The following CRPPA variants were observed in gnomAD, a reference collection of about 807,000 sequenced individuals.
The protein encoded by CRPPA is CDP-L-ribitol pyrophosphorylase A, also known as D-ribitol-5-phosphate cytidylyltransferase.
A neutral mutation model predicts 52.0 loss-of-function variants in CRPPA; 43 were observed. That is an observed-to-expected ratio of 0.83 (90% confidence interval 0.65 to 1.07). The LOEUF is 1.07. Among genes scored for constraint, CRPPA ranks in the 50% least tolerant of loss-of-function variants. The pLI, the probability that CRPPA is intolerant of heterozygous loss-of-function variation, is 0.00. For missense variants in CRPPA, 629 were observed against 551.7 expected (o/e 1.14, Z -1.40); for synonymous variants, 250 against 203.5 (o/e 1.23, Z -1.94).
chr7:16,409,251 TC>T (rs1404707118), intron 1 of CRPPA, among the ~76,000 whole-genome samples: 1 of 152,074 alleles, frequency 6.6e-6, no homozygotes, highest in East Asian at 1.9e-4. Context: ...CCCCAAATCT[TC>T]CAGAAGGAAT....
At chr7:16,400,587 T>G (rs1787788286) in intron 2 of CRPPA, among the ~76,000 whole-genome samples, 1 of 152,114 alleles carries the variant, frequency 6.6e-6, no homozygotes, top group Non-Finnish European at 1.5e-5. Flanking sequence ...GACACACAAT[T>G]GACACGATTG....
intron 3 of CRPPA, among the ~76,000 whole-genome samples, chr7:16,357,661 A>G (rs775822238): frequency 1.3e-5 from 2 of 152,204 alleles, no homozygotes; most frequent in African/African-American, 4.8e-5. Flanking sequence ...GAGAAAAGCT[A>G]TCATTCAGCA....
chr7:16,116,379 G>C (rs1782370592), intron 9 of CRPPA, among the ~76,000 whole-genome samples: 1 of 152,082 alleles, frequency 6.6e-6, no homozygotes, highest in South Asian at 2.1e-4. Context: ...AAGAAAGAAT[G>C]AGTGGTCGGG....
chr7:16,331,723 G>T (rs1785557003), intron 3 of CRPPA, among the ~76,000 whole-genome samples: 1 of 152,080 alleles, frequency 6.6e-6, no homozygotes, highest in Non-Finnish European at 1.5e-5. Context: ...GCCTTTGATG[G>T]GCTCATTAGC....
intron 9 of CRPPA, among the ~76,000 whole-genome samples, chr7:16,205,719 G>A (rs1286498147): frequency 6.6e-6 from 1 of 151,668 alleles, no homozygotes; most frequent in African/African-American, 2.4e-5. Context: ...AGGGGCTTTG[G>A]CTTATTTCCT....
At chr7:16,295,584 G>C (rs999270536) in intron 5 of CRPPA, among the ~76,000 whole-genome samples, 2 of 152,050 alleles carry the variant, frequency 1.3e-5, no homozygotes, top group Admixed American at 6.6e-5. Context: ...ATGAAGAATG[G>C]AGGTAGAAAA....
chr7:16,124,428 G>C (rs1226587612), intron 9 of CRPPA, among the ~76,000 whole-genome samples: 4 of 152,142 alleles, frequency 2.6e-5, no homozygotes, highest in Non-Finnish European at 5.9e-5. Flanking sequence ...TCTGTCACTT[G>C]TGGATAACAT....
intron 3 of CRPPA, among the ~76,000 whole-genome samples, chr7:16,364,193 TGTG>T (rs777992451): frequency 3.0e-4 from 45 of 152,318 alleles, no homozygotes; most frequent in Non-Finnish European, 5.0e-4. Context: ...AGGCATAAAA[TGTG>T]AGCATCTGAG....
At chr7:16,396,147 G>C (rs188792662) in intron 2 of CRPPA, among the ~76,000 whole-genome samples, 1 of 152,030 alleles carries the variant, frequency 6.6e-6, no homozygotes, top group African/African-American at 2.4e-5. Flanking sequence ...TATCCAATAA[G>C]CCAGGAAAAA....
chr7:16,398,925 T>G (rs1040835746), intron 2 of CRPPA, among the ~76,000 whole-genome samples: 3 of 151,622 alleles, frequency 2.0e-5, no homozygotes, highest in African/African-American at 7.3e-5. Context: ...CATGATCGAG[T>G]CGTTACTGAC....
At chr7:16,179,299 G>A (rs1276582000) in intron 9 of CRPPA, among the ~76,000 whole-genome samples, 6 of 152,002 alleles carry the variant, frequency 3.9e-5, no homozygotes, top group African/African-American at 1.4e-4. Flanking sequence ...ATAAATGATA[G>A]ACAAAATAAA....
chr7:16,407,195 C>A (rs1242830755), intron 1 of CRPPA, among the ~76,000 whole-genome samples: 1 of 152,126 alleles, frequency 6.6e-6, no homozygotes, highest in African/African-American at 2.4e-5. Context: ...CCAGGCTAGT[C>A]TTCAACTCCT....
chr7:16,265,753 C>T (rs1306066028), intron 6 of CRPPA, among the ~76,000 whole-genome samples: 4 of 151,768 alleles, frequency 2.6e-5, no homozygotes, highest in Non-Finnish European at 4.4e-5. Flanking sequence ...TTATAACTTG[C>T]CAGAATCTAC....
chr7:16,204,663 T>G (rs916008104), intron 9 of CRPPA, among the ~76,000 whole-genome samples: 1 of 152,124 alleles, frequency 6.6e-6, no homozygotes, highest in Admixed American at 6.6e-5. Context: ...GAGTCAGCAA[T>G]CATTTAGCCA....
intron 8 of CRPPA, among the ~76,000 whole-genome samples, chr7:16,226,239 G>T (rs1186243535): frequency 6.6e-6 from 1 of 151,840 alleles, no homozygotes; most frequent in Non-Finnish European, 1.5e-5. Context: ...TATTTATTCT[G>T]AATTTGTCAT....
Position 16,090,318 on chromosome 7 carries a change from A to C in CRPPA, c.*1377T>G, listed in dbSNP as rs1236538153. 6.6e-6 allele frequency: 1 copy of C among 152,140 alleles called. No homozygotes were observed. The highest frequency in any genetic ancestry group is 1.5e-5 in the Non-Finnish European group (1 of 68,020). 9.4% of individuals were successfully genotyped at this position (152,140 alleles called of 1,614,324 possible). Reference sequence around the variant, plus strand: ...ATGTTAAATAAAAATTCCACAAGGTAGATATTGTATAGTGTATCTTTAACT... The same window carrying C: ...ATGTTAAATAAAAATTCCACAAGGTCGATATTGTATAGTGTATCTTTAACT... On this transcript the variant is annotated 3_prime_UTR_variant, in exon 10 of 10. Coordinates refer to ENST00000407010, the MANE Select transcript of CRPPA (RefSeq NM_001101426.4).
chr7:16,301,120 T>A (rs1376047286), intron 5 of CRPPA, among the ~76,000 whole-genome samples: 1 of 152,230 alleles, frequency 6.6e-6, no homozygotes, highest in Non-Finnish European at 1.5e-5. Context: ...GTGAGACCTT[T>A]ACAAAATTAT....
intron 9 of CRPPA, chr7:16,209,384 G>C (rs965114595): frequency 4.4e-5 from 7 of 160,674 alleles, no homozygotes; most frequent in Non-Finnish European, 6.6e-5. Context: ...TGATTGTCTT[G>C]CTTCAGCCTC....
chr7:16,152,766 C>T (rs1237766882), intron 9 of CRPPA, among the ~76,000 whole-genome samples: 1 of 151,846 alleles, frequency 6.6e-6, no homozygotes, highest in African/African-American at 2.4e-5. Flanking sequence ...AGGCGGTTCG[C>T]AATGTAAAAT....
Sources: gnomAD v4.1 joint callset for allele counts (sites outside exome capture counted in the v4.1 genomes callset) on GRCh38, gnomAD v4.1.1 for gene constraint, MANE v1.5 for transcripts, NCBI Gene and HGNC (gene_info 2026-07-23, HGNC 2026-07-21) for gene names.